The following RNF215 variants were observed in gnomAD, a reference collection of about 807,000 sequenced individuals.
The protein encoded by RNF215 is ring finger protein 215.
Under a neutral mutation model 44.8 loss-of-function variants are expected in RNF215, and 41 were observed. That is an observed-to-expected ratio of 0.92 (90% CI 0.71 to 1.19). The LOEUF (loss-of-function observed/expected upper bound fraction) is 1.19. Among genes scored for constraint, RNF215 ranks in the 50% most tolerant of loss-of-function variants. The pLI is 0.00. For missense variants in RNF215, 452 were observed against 496.2 expected (o/e 0.91, Z 0.85); for synonymous variants, 218 against 230.1 (o/e 0.95, Z 0.48).
rs1933517216 is a variant in RNF215 at position 30,380,612 on chromosome 22, C to T, written c.745-211G>A. Among the ~76,000 whole-genome samples, 1 of 152,122 alleles carries T rather than the reference C, an allele frequency of 6.6e-6. No homozygotes were observed. Among genetic ancestry groups the T allele is most frequent in the Admixed American group, 6.5e-5 (1 of 15,278 alleles). On this transcript the variant is annotated intron_variant, in intron 5 of 8. Coordinates refer to ENST00000382363, the MANE Select transcript of RNF215 (RefSeq NM_001017981.2). The surrounding 1 kb of genome is among the most constrained non-coding windows in gnomAD (Gnocchi z 5.3). ...CACTCTGCCCTACACGTCTTCCCAT[C>T]CAGCTCCAAGGAGAGCCACATCCAT... is the stretch of plus-strand genomic sequence containing the variant.
At chr22:30,386,916 C>A in intron 1 of RNF215, 113 bp downstream of exon 1, 1 of 1,481,754 alleles carries the variant, frequency 6.7e-7, no homozygotes, top group African/African-American at 1.4e-5. Context: ...TGGGGAGGGG[C>A]GCTGGACTCT....
chr22:30,384,229 C>A, intron 5 of RNF215, 110 bp downstream of exon 5: 1 of 1,228,800 alleles, frequency 8.1e-7, no homozygotes, highest in Non-Finnish European at 1.2e-6. Context: ...TGGGAAAGGC[C>A]GTCCTTGTCA....
In RNF215 at chr22:30,380,493, G is replaced by C; in HGVS notation, c.745-92C>G. 1 of 1,471,744 alleles carries C rather than the reference G, an allele frequency of 6.8e-7. No homozygotes were observed. The highest frequency in any genetic ancestry group is 2.4e-5 in the East Asian group (1 of 42,534). The allele number at this position is 1,471,744 out of a possible 1,614,324, so 91.2% of individuals were successfully genotyped here. The stretch of plus-strand genomic sequence containing the variant: ...CCCCAGGAACGCCAGGGAGCAGGCA[G>C]GTGAGGTATGCTGACGGCCTCTGTG... On this transcript the variant is annotated intron_variant, in intron 5 of 8. Coordinates refer to ENST00000382363, the MANE Select transcript of RNF215 (RefSeq NM_001017981.2). The surrounding 1 kb of genome is among the most constrained non-coding windows in gnomAD (Gnocchi z 5.3).
At chr22:30,386,455 C>T (rs531982991) in intron 2 of RNF215, among the ~76,000 whole-genome samples, 161 bp downstream of exon 2, 2 of 152,188 alleles carry the variant, frequency 1.3e-5, no homozygotes, top group Admixed American at 1.3e-4. Flanking sequence ...CTCCCTGCTT[C>T]GAAGCCATAC....
Position 30,380,482 on chromosome 22 carries a change from G to A in RNF215, c.745-81C>T. ...GGAACATCTACCCCCAGGAACGCCA[G>A]GGAGCAGGCAGGTGAGGTATGCTGA... is the stretch of plus-strand genomic sequence containing the variant. On this transcript the variant is annotated intron_variant, in intron 5 of 8. Coordinates refer to ENST00000382363, the MANE Select transcript of RNF215 (RefSeq NM_001017981.2). This position sits in a 1 kb window ranked among gnomAD's most constrained non-coding sequence, Gnocchi z 5.3. 1 of 1,506,580 alleles carries A rather than the reference G, an allele frequency of 6.6e-7. No homozygotes were observed. The allele number at this position is 1,506,580 out of a possible 1,614,324, so 93.3% of individuals were successfully genotyped here. A position where few individuals can be genotyped will look rare whatever the true frequency, so the allele number is the denominator to read the frequency against.
chr22:30,383,025 C>A (rs946794863), intron 5 of RNF215, among the ~76,000 whole-genome samples: 6 of 152,142 alleles, frequency 3.9e-5, no homozygotes, highest in Non-Finnish European at 8.8e-5. Flanking sequence ...TCACTTGAGC[C>A]CAGGAGGTCG....
chr22:30,387,381 G>A lies in RNF215; in HGVS notation c.-68C>T, dbSNP rs1933620016. The stretch of plus-strand genomic sequence containing the variant: ...CCGGGCGCGGGGGGGATCGGAGGGA[G>A]CGAGGCCGCTGCCGGACGGGGCGGG... On this transcript the variant is annotated 5_prime_UTR_variant, in exon 1 of 9. Transcript: ENST00000382363. 3.0e-6 allele frequency: 3 copies of A among 999,838 alleles called. No homozygotes were observed. Among genetic ancestry groups the A allele is most frequent in the Non-Finnish European group, 3.6e-6 (3 of 834,220 alleles). The allele number at this position is 999,838 out of a possible 1,614,324, so 61.9% of individuals were successfully genotyped here.
At position 30,387,189 on chromosome 22, in the gene RNF215, G is replaced by C. The variant is rs1933614851; in HGVS notation, c.125C>G (p.Ala42Gly). The C allele has an allele frequency of 2.9e-6, 3 of 1,047,112 alleles. No individual in the cohort carries two copies. Among genetic ancestry groups the C allele is most frequent in the Non-Finnish European group, 3.5e-6 (3 of 868,974 alleles). 64.9% of individuals were successfully genotyped at this position (1,047,112 alleles called of 1,614,324 possible). Residue 42 changes from alanine to glycine, a missense_variant, in exon 1 of 9, where the codon GCG becomes GGG. By Grantham distance (60) the Ala-to-Gly change is moderately conservative (BLOSUM62 0). Transcript: ENST00000382363. The part of the protein sequence containing the change: ...LWLGLAGPGA[A>G]ADGSEPAAGA... ...GGCCGCCGGCTCGCTGCCGTCCGCC[G>C]CGGCCCCGGGCCCCGCCAGGCCCAG...
At chr22:30,384,624 AG>A (rs1424034279) in intron 4 of RNF215, 129 bp from the exon 5 acceptor site, 1 of 763,360 alleles carries the variant, frequency 1.3e-6, no homozygotes, top group Non-Finnish European at 2.0e-6. Flanking sequence ...ACTTTGCCCC[AG>A]GCCTTTTCCC....
At chr22:30,384,797 T>TG (rs1366223535) in intron 4 of RNF215, 2 of 291,322 alleles carry the variant, frequency 6.9e-6, no homozygotes, top group African/African-American at 4.4e-5. Flanking sequence ...TTTTTCAGCC[T>TG]GGGACAGGAC....
At chr22:30,386,876 G>A in intron 1 of RNF215, 117 bp from the exon 2 acceptor site, 1 of 1,485,388 alleles carries the variant, frequency 6.7e-7, no homozygotes, top group Non-Finnish European at 8.9e-7. Flanking sequence ...TCTGGTTTGG[G>A]AAGCCGGAAT....
chr22:30,386,892 G>T, intron 1 of RNF215, 133 bp from the exon 2 acceptor site: 1 of 1,475,998 alleles, frequency 6.8e-7, no homozygotes, highest in Non-Finnish European at 9.0e-7. Flanking sequence ...GGAATGCTGG[G>T]GGCCTGGGGA....
In RNF215 at chr22:30,386,154, A is replaced by T; in HGVS notation, c.430-13T>A. 1 of 1,582,094 alleles carries T rather than the reference A, an allele frequency of 6.3e-7. No individual in the cohort carries two copies. The highest frequency in any genetic ancestry group is 8.6e-7 in the Non-Finnish European group (1 of 1,164,390). On this transcript the variant is annotated splice_polypyrimidine_tract_variant and intron_variant, in intron 2 of 8. Coordinates refer to ENST00000382363, the MANE Select transcript of RNF215 (RefSeq NM_001017981.2). Reference sequence around the variant, plus strand: ...GGGCCCGCCGCATCTGCAGAGGGATAGAAGGCGAGAGGCTAGCATATACCC... The same window carrying T: ...GGGCCCGCCGCATCTGCAGAGGGATTGAAGGCGAGAGGCTAGCATATACCC...
intron 5 of RNF215, among the ~76,000 whole-genome samples, chr22:30,383,262 C>A (rs1244230698): frequency 6.6e-6 from 1 of 152,112 alleles, no homozygotes; most frequent in Non-Finnish European, 1.5e-5. Context: ...ACCACCTTGA[C>A]CCCAGCCTGC....
rs1409903879 is a variant in RNF215, at chr22:30,379,555, C to T, written c.*45G>A. The stretch of plus-strand genomic sequence containing the variant: ...GGAGCCCAGGCTGAGGACCGGGGTG[C>T]AGGCAGGAAGGGTCCATCCCCATGT... On this transcript the variant is annotated 3_prime_UTR_variant, in exon 9 of 9. Transcript: ENST00000382363. 1 of 1,546,318 alleles carries T rather than the reference C, an allele frequency of 6.5e-7. No individual in the cohort carries two copies. The highest frequency in any genetic ancestry group is 8.7e-7 in the Non-Finnish European group (1 of 1,146,222).
At position 30,387,279 on chromosome 22, in the gene RNF215, G is replaced by T. The variant is rs1316623537; in HGVS notation, c.35C>A (p.Pro12Gln). Residue 12 changes from proline to glutamine, a missense_variant, in exon 1 of 9, where the codon CCG becomes CAG. Transcript: ENST00000382363. Reference sequence around the variant, plus strand: ...CGGAGGCGGCGGCGGAGGCGGCGGCGGCGATCTCAGCGCGGGGCGAGCGGC... The same window carrying T: ...CGGAGGCGGCGGCGGAGGCGGCGGCTGCGATCTCAGCGCGGGGCGAGCGGC... ...GPAARPALRSPPPPPPPPPSP... is the reference protein window; with the variant it reads ...GPAARPALRSQPPPPPPPPSP... 9.4e-7 allele frequency: 1 copy of T among 1,066,174 alleles called. No individual in the cohort carries two copies. The highest frequency in any genetic ancestry group is 1.1e-6 in the Non-Finnish European group (1 of 884,104). 66.0% of individuals were successfully genotyped at this position (1,066,174 alleles called of 1,614,324 possible). A position where few individuals can be genotyped will look rare whatever the true frequency, so the allele number is the denominator to read the frequency against.
At chr22:30,383,102 G>C (rs1933550274) in intron 5 of RNF215, among the ~76,000 whole-genome samples, 1 of 152,142 alleles carries the variant, frequency 6.6e-6, no homozygotes, top group African/African-American at 2.4e-5. Context: ...GAGTGTTGCT[G>C]CTCTGGACTC....
At chr22:30,386,992 G>T in intron 1 of RNF215, 37 bp downstream of exon 1, 2 of 1,535,572 alleles carry the variant, frequency 1.3e-6, no homozygotes, top group East Asian at 2.4e-5. Flanking sequence ...TGAGAGAGGG[G>T]TTTAGTGATG....
chr22:30,379,519 G>C lies in RNF215; in HGVS notation c.*81C>G. 3 of 1,508,302 alleles carry C rather than the reference G, an allele frequency of 2.0e-6. No homozygotes were observed. The highest frequency in any genetic ancestry group is 2.7e-6 in the Non-Finnish European group (3 of 1,119,528). The allele number at this position is 1,508,302 out of a possible 1,614,324, so 93.4% of individuals were successfully genotyped here. A position where few individuals can be genotyped will look rare whatever the true frequency, so the allele number is the denominator to read the frequency against. ...CCTGTCTATCCTGCTGTCCCATCCT[G>C]TCCTGTCCTGGGAGCCCAGGCTGAG... On this transcript the variant is annotated 3_prime_UTR_variant, in exon 9 of 9. Transcript: ENST00000382363.
Sources: gnomAD v4.1 joint callset for allele counts (sites outside exome capture counted in the v4.1 genomes callset) on GRCh38, gnomAD v4.1.1 for gene constraint, Gnocchi (gnomAD v3.1) non-coding constraint, MANE v1.5 for transcripts, NCBI Gene and HGNC (gene_info 2026-07-23, HGNC 2026-07-21) for gene names.